The following C6orf118 variants were observed in gnomAD, a reference collection of about 807,000 sequenced individuals.
C6orf118 encodes the protein chromosome 6 open reading frame 118.
C6orf118 carries 50 observed loss-of-function variants against 50.2 expected under a neutral mutation model. The ratio of observed to expected loss-of-function variants is 1.00; its 90% CI spans 0.79 to 1.26. The LOEUF is 1.26. Ranked by LOEUF, C6orf118 falls within the 50% of genes most tolerant of loss-of-function variation. C6orf118 has a pLI of 0.00. For synonymous variants in C6orf118, 239 were observed against 230.9 expected (o/e 1.03, Z -0.32); for missense variants, 641 against 578.7 (o/e 1.11, Z -1.10).
In C6orf118 at chr6:165,301,860, C is replaced by T. The variant is rs770270029; in HGVS notation, c.462G>A (p.Glu154=). The T allele has an allele frequency of 1.2e-6, 2 of 1,613,824 alleles. No homozygotes were observed. The highest frequency in any genetic ancestry group is 1.7e-6 in the Non-Finnish European group (2 of 1,180,008). ...EDFLPVEAVR[E]GKEEKKGGPP... Reference sequence around the variant, plus strand: ...GGCCTCCTTTCTTTTCTTCCTTCCCCTCTCTGACAGCCTCCACTGGAAGGA... The same window carrying T: ...GGCCTCCTTTCTTTTCTTCCTTCCCTTCTCTGACAGCCTCCACTGGAAGGA... Residue 154 remains glutamate, a synonymous_variant, in exon 2 of 9, where the codon GAG becomes GAA. Transcript: ENST00000230301.
rs1223826144 is a variant in C6orf118 at position 165,289,961 on chromosome 6, C to T, written c.1227G>A (p.Leu409=). The part of the protein sequence containing the change: ...ILSKWDEIQA[L]EKEIKTTLVH... ...CCAAAGTTGTTTTAATTTCTTTTTC[C>T]AGAGCTTGTATCTCATCCCACTTAC... The change falls in exon 7 of 9, where the codon CTG becomes CTA. Residue 409 remains leucine, a synonymous_variant. Transcript: ENST00000230301. The T allele has an allele frequency of 6.2e-7, 1 of 1,610,972 alleles. No individual in the cohort carries two copies.
At position 165,302,298 on chromosome 6, in the gene C6orf118, T is replaced by A. The variant is rs745509384; in HGVS notation, c.26-2A>T. 12 of 1,608,684 alleles carry A rather than the reference T, an allele frequency of 7.5e-6. No individual in the cohort carries two copies. The highest frequency in any genetic ancestry group is 2.7e-5 in the African/African-American group (2 of 73,506). On this transcript the variant is annotated splice_acceptor_variant, in intron 1 of 8. Transcript: ENST00000230301. LOFTEE classifies it high-confidence loss of function. ...CGCAGTGCTTCCACTTCAGGTACAC[T>A]GGTCAGAAAAGAAAAGGAGGCTCTT...
chr6:165,285,220 G>A (rs1423176420), intron 7 of C6orf118, among the ~76,000 whole-genome samples: 10 of 152,016 alleles, frequency 6.6e-5, no homozygotes. Context: ...TACAAAGAAT[G>A]GCATTACATA....
intron 5 of C6orf118, among the ~76,000 whole-genome samples, chr6:165,295,422 C>A (rs1347896593): frequency 6.6e-6 from 1 of 152,154 alleles, no homozygotes; most frequent in African/African-American, 2.4e-5. Flanking sequence ...TCTTGTTCAA[C>A]TTTATTATTA....
intron 5 of C6orf118, among the ~76,000 whole-genome samples, chr6:165,297,275 G>C (rs1366237918): frequency 6.6e-6 from 1 of 151,862 alleles, no homozygotes; most frequent in Non-Finnish European, 1.5e-5. Context: ...ACAAAAATTA[G>C]CCGGGCGTGG....
chr6:165,302,334 C>G (rs773288435), intron 1 of C6orf118, 38 bp from the exon 2 acceptor site: 8 of 1,587,508 alleles, frequency 5.0e-6, no homozygotes, highest in South Asian at 4.5e-5. Context: ...AGGGATCGCT[C>G]TTAGTTCCAC....
At chr6:165,290,387 G>A (rs1354567518) in intron 6 of C6orf118, among the ~76,000 whole-genome samples, 5 of 152,092 alleles carry the variant, frequency 3.3e-5, no homozygotes, top group Admixed American at 3.3e-4. Flanking sequence ...CAACAAGAAA[G>A]TGACAGTGGC....
intron 7 of C6orf118, among the ~76,000 whole-genome samples, chr6:165,283,477 C>T (rs1304990533): frequency 6.6e-6 from 1 of 152,218 alleles, no homozygotes; most frequent in African/African-American, 2.4e-5. Flanking sequence ...CCTGCTCCAC[C>T]AAGGGGCAGT....
intron 7 of C6orf118, 49 bp from the exon 8 acceptor site, chr6:165,281,742 G>A: frequency 8.3e-7 from 1 of 1,202,444 alleles, no homozygotes; most frequent in Non-Finnish European, 1.1e-6. Flanking sequence ...AAAAATATTT[G>A]TTAATTATTT....
chr6:165,301,105 A>T (rs1432325163), intron 2 of C6orf118, among the ~76,000 whole-genome samples: 1 of 152,002 alleles, frequency 6.6e-6, no homozygotes, highest in African/African-American at 2.4e-5. Flanking sequence ...CCCCCAGCTG[A>T]CCAGTTCCCA....
chr6:165,301,386 A>C (rs1357054653), intron 2 of C6orf118, among the ~76,000 whole-genome samples, 183 bp downstream of exon 2: 1 of 135,200 alleles, frequency 7.4e-6, no homozygotes, highest in African/African-American at 2.9e-5. Context: ...AGAACACTGC[A>C]CCGAGAGCAC....
Position 165,309,554 on chromosome 6 carries a change from C to G in C6orf118, c.25+8G>C. 1.9e-6 allele frequency: 3 copies of G among 1,614,188 alleles called. No individual in the cohort carries two copies. Among genetic ancestry groups the G allele is most frequent in the South Asian group, 2.2e-5 (2 of 91,082 alleles). ...ACAAGCCAGCAAGAGCCGCTCCAGG[C>G]CACTTACATTCAGGCTCCCGCTCCT... On this transcript the variant is annotated splice_region_variant and intron_variant, in intron 1 of 8. Transcript: ENST00000230301.
intron 5 of C6orf118, among the ~76,000 whole-genome samples, chr6:165,296,783 T>C (rs1032291508): frequency 6.6e-6 from 1 of 152,210 alleles, no homozygotes; most frequent in East Asian, 1.9e-4. Flanking sequence ...AAGTAACAAA[T>C]CTGCTATTTA....
chr6:165,282,077 G>A (rs1779747328), intron 7 of C6orf118: 1 of 154,196 alleles, frequency 6.5e-6, no homozygotes, highest in African/African-American at 2.4e-5. Context: ...TAAACTGTAA[G>A]GGGAAATTTT....
At chr6:165,285,064 T>C (rs1779855921) in intron 7 of C6orf118, among the ~76,000 whole-genome samples, 1 of 152,128 alleles carries the variant, frequency 6.6e-6, no homozygotes, top group Non-Finnish European at 1.5e-5. Flanking sequence ...CTGTATTCAA[T>C]AGACGCATAT....
intron 5 of C6orf118, among the ~76,000 whole-genome samples, chr6:165,296,222 G>T (rs55900217): frequency 0.03 from 3,092 of 102,268 alleles, 51 homozygotes; most frequent in Non-Finnish European, 0.032. Context: ...TCAGTTTTTT[G>T]TTGTTGTTGT....
chr6:165,281,856 A>G lies in C6orf118; in HGVS notation c.1303-163T>C, dbSNP rs1161692712. The G allele has an allele frequency of 9.2e-5, 36 of 390,286 alleles. 1 individual carries two copies. The highest frequency in any genetic ancestry group is 1.5e-4 in the Admixed American group (3 of 19,970). The allele number at this position is 390,286 out of a possible 1,614,324, so 24.2% of individuals were successfully genotyped here. ...AGAAACAAAGCATAAAATGAAGGAC[A>G]ATTAATGAGAAGGAAAGATCCTGGT... On this transcript the variant is annotated intron_variant, in intron 7 of 8. Transcript: ENST00000230301.
chr6:165,301,248 C>T (rs10080753), intron 2 of C6orf118, among the ~76,000 whole-genome samples: 7,677 of 151,452 alleles, frequency 0.051, 699 homozygotes, highest in African/African-American at 0.18. Flanking sequence ...AGCTCACCGT[C>T]GTGGCTGTCC....
Position 165,301,792 on chromosome 6 carries a change from A to G in C6orf118, c.530T>C (p.Leu177Pro), listed in dbSNP as rs1300614814. Residue 177 changes from leucine (L) to proline (P), a missense_variant, in exon 2 of 9, where the codon CTC becomes CCC. Coordinates refer to ENST00000230301, the MANE Select transcript of C6orf118 (RefSeq NM_144980.4). The stretch of plus-strand genomic sequence containing the variant: ...CAGCACCTTCAAGTCGGGCAGCCGG[A>G]GTTCTTCCCTCCTGCGCCATCCAGG... ...GPPGWRRREE[L>P]RLPDLKVLCY... 3.1e-6 allele frequency: 5 copies of G among 1,613,916 alleles called. No homozygotes were observed. In the South Asian group the frequency reaches 5.5e-5, roughly 18 times the overall value.
Sources: gnomAD v4.1 joint callset for allele counts (sites outside exome capture counted in the v4.1 genomes callset) on GRCh38, gnomAD v4.1.1 for gene constraint, MANE v1.5 for transcripts, NCBI Gene and HGNC (gene_info 2026-07-23, HGNC 2026-07-21) for gene names.